Variants in DLGAP4 observed in about 807,000 individuals in gnomAD.
The protein encoded by DLGAP4 is disks large-associated protein 4.
Under a neutral mutation model 86.9 loss-of-function variants are expected in DLGAP4, and 18 were observed. The observed-to-expected ratio is 0.21, with a 90% CI of 0.14 to 0.31. The LOEUF is 0.31. Ranked by LOEUF, DLGAP4 falls within the 10% of genes least tolerant of loss-of-function variation. DLGAP4 has a pLI of 1.00. For missense variants in DLGAP4, 1,085 were observed against 1,362.6 expected (o/e 0.80, Z 3.21); for synonymous variants, 548 against 574.3 (o/e 0.95, Z 0.65).
chr20:36,347,225 G>A (rs1350338251), intron 1 of DLGAP4, among the ~76,000 whole-genome samples: 1 of 152,158 alleles, frequency 6.6e-6, no homozygotes, highest in Non-Finnish European at 1.5e-5. Flanking sequence ...TGGGCCAGAG[G>A]GTCATTCAGA....
At chr20:36,391,713 A>AC (rs1421011656) in intron 2 of DLGAP4, among the ~76,000 whole-genome samples, 1 of 151,860 alleles carries the variant, frequency 6.6e-6, no homozygotes, top group Non-Finnish European at 1.5e-5. Flanking sequence ...CCCACCCTTC[A>AC]CCCCCCAGTC....
chr20:36,427,740 C>T (rs1023802189), intron 2 of DLGAP4, among the ~76,000 whole-genome samples: 2 of 151,300 alleles, frequency 1.3e-5, no homozygotes, highest in South Asian at 2.1e-4. Context: ...GTCAGGAGTT[C>T]GAGACCAGCC....
At chr20:36,358,281 C>T (rs1229137205) in intron 1 of DLGAP4, among the ~76,000 whole-genome samples, 1 of 152,218 alleles carries the variant, frequency 6.6e-6, no homozygotes, top group Non-Finnish European at 1.5e-5. Flanking sequence ...CCTCTCACTC[C>T]TCCAGCTGAG....
chr20:36,432,398 G>A lies in DLGAP4; in HGVS notation c.681G>A (p.Leu227=), dbSNP rs1276817917. 1 of 1,613,762 alleles carries A rather than the reference G, an allele frequency of 6.2e-7. No individual in the cohort carries two copies. The highest frequency in any genetic ancestry group is 8.5e-7 in the Non-Finnish European group (1 of 1,180,042). Residue 227 remains leucine (L), a synonymous_variant, in exon 3 of 13, where the codon CTG becomes CTA. Coordinates refer to ENST00000339266, the MANE Select transcript of DLGAP4 (RefSeq NM_001365621.2). The surrounding 1 kb of genome is among the most constrained non-coding windows in gnomAD (Gnocchi z 6.5). ...AFRSSGPASG[L]MTLGRQAERS... is the part of the protein sequence containing the mutation. The stretch of plus-strand genomic sequence containing the variant: ...GCAGCAGTGGCCCAGCCTCTGGGCT[G>A]ATGACACTAGGCCGCCAGGCAGAAC...
intron 2 of DLGAP4, among the ~76,000 whole-genome samples, chr20:36,383,626 G>A (rs947213413): frequency 2.9e-4 from 44 of 151,966 alleles, no homozygotes; most frequent in Non-Finnish European, 6.0e-4. Context: ...GGAACTTCAC[G>A]GGGTGAGAAA....
chr20:36,349,418 CAAAA>C (rs578216334), intron 1 of DLGAP4, among the ~76,000 whole-genome samples: 3 of 92,008 alleles, frequency 3.3e-5, no homozygotes, highest in Non-Finnish European at 2.3e-5. Flanking sequence ...ACTCCATCTC[CAAAA>C]AAAAAAAAAA....
intron 7 of DLGAP4, among the ~76,000 whole-genome samples, chr20:36,468,098 C>T (rs1325968590): frequency 6.6e-6 from 1 of 152,218 alleles, no homozygotes; most frequent in Non-Finnish European, 1.5e-5. Context: ...TCCTGAAGGT[C>T]AGGGTGCCAG....
Position 36,500,126 on chromosome 20 carries a change from G to A in DLGAP4, c.2100-73G>A. The A allele has an allele frequency of 4.1e-6, 6 of 1,470,132 alleles. No homozygotes were observed. Among genetic ancestry groups the A allele is most frequent in the Non-Finnish European group, 4.6e-6 (5 of 1,095,858 alleles). 91.1% of individuals were successfully genotyped at this position (1,470,132 alleles called of 1,614,324 possible). A position where few individuals can be genotyped will look rare whatever the true frequency, so the allele number is the denominator to read the frequency against. ...CTGTCTCCCGTGTGTCCGGGTCAAG[G>A]CGGCCTCTGGTCTCTGGCCCTCTTG... is the stretch of plus-strand genomic sequence containing the variant. On this transcript the variant is annotated intron_variant, in intron 9 of 12. Coordinates refer to ENST00000339266, the MANE Select transcript of DLGAP4 (RefSeq NM_001365621.2). This position sits in a 1 kb window ranked among gnomAD's most constrained non-coding sequence, Gnocchi z 4.6.
chr20:36,364,190 C>G (rs1034940958), intron 1 of DLGAP4, among the ~76,000 whole-genome samples: 1 of 152,068 alleles, frequency 6.6e-6, no homozygotes, highest in African/African-American at 2.4e-5. Flanking sequence ...GTGGGAGGAC[C>G]CTTTAAGGCC....
intron 4 of DLGAP4, among the ~76,000 whole-genome samples, chr20:36,437,145 A>G (rs970545700): frequency 2.6e-5 from 4 of 152,188 alleles, no homozygotes; most frequent in Admixed American, 6.5e-5. Flanking sequence ...TGAACCCGCC[A>G]TCAGGTTAGC....
chr20:36,384,488 C>T (rs1569480768), intron 2 of DLGAP4, among the ~76,000 whole-genome samples: 1 of 152,078 alleles, frequency 6.6e-6, no homozygotes, highest in Non-Finnish European at 1.5e-5. Flanking sequence ...AGGGGAGGTA[C>T]TAATATTTAT....
At chr20:36,363,562 T>A (rs2030590518) in intron 1 of DLGAP4, among the ~76,000 whole-genome samples, 1 of 152,088 alleles carries the variant, frequency 6.6e-6, no homozygotes, top group Non-Finnish European at 1.5e-5. Context: ...GACCTCAAGT[T>A]TGGCTTGGGC....
chr20:36,515,011 G>A (rs1323030730), intron 10 of DLGAP4, among the ~76,000 whole-genome samples: 2 of 152,060 alleles, frequency 1.3e-5, no homozygotes, highest in South Asian at 2.1e-4. Flanking sequence ...ATTTGAAACT[G>A]GCATCCAGGA....
At chr20:36,436,438 A>G in intron 4 of DLGAP4, 88 bp downstream of exon 4, 3 of 1,442,262 alleles carry the variant, frequency 2.1e-6, no homozygotes, top group Non-Finnish European at 2.7e-6. Flanking sequence ...GCCCTGCATT[A>G]AAATAAGCCC....
At chr20:36,379,218 C>T (rs772243102) in intron 2 of DLGAP4, among the ~76,000 whole-genome samples, 5 of 152,212 alleles carry the variant, frequency 3.3e-5, no homozygotes, top group East Asian at 3.9e-4. Flanking sequence ...GAGGAGGCAG[C>T]GAGAACAAAG....
At chr20:36,440,530 G>A (rs1253971992) in intron 5 of DLGAP4, among the ~76,000 whole-genome samples, 1 of 152,174 alleles carries the variant, frequency 6.6e-6, no homozygotes, top group East Asian at 1.9e-4. Flanking sequence ...TCAGCTCCTT[G>A]AGCCCTTAAC....
intron 1 of DLGAP4, among the ~76,000 whole-genome samples, chr20:36,313,878 G>T (rs973271779): frequency 5.3e-5 from 8 of 152,156 alleles, no homozygotes; most frequent in Non-Finnish European, 1.0e-4. Context: ...GCCCTCTCTG[G>T]GTCTCAGTTA....
intron 7 of DLGAP4, among the ~76,000 whole-genome samples, chr20:36,457,311 C>T (rs6063487): frequency 2.0e-5 from 3 of 151,642 alleles, no homozygotes; most frequent in African/African-American, 4.8e-5. Context: ...CTCCGCTTCC[C>T]GGGTTCATGT....
chr20:36,422,071 AG>A (rs1427363228), intron 2 of DLGAP4, among the ~76,000 whole-genome samples: 1 of 152,124 alleles, frequency 6.6e-6, no homozygotes, highest in Non-Finnish European at 1.5e-5. Flanking sequence ...GGGTGCCCAA[AG>A]ACACAGCCAT....
Sources: gnomAD v4.1 joint callset for allele counts (sites outside exome capture counted in the v4.1 genomes callset) on GRCh38, gnomAD v4.1.1 for gene constraint, Gnocchi (gnomAD v3.1) non-coding constraint, MANE v1.5 for transcripts, NCBI Gene and HGNC (gene_info 2026-07-23, HGNC 2026-07-21) for gene names.